CDH4: variants seen among roughly 807,000 people sequenced by gnomAD.
CDH4 encodes cadherin 4.
A neutral mutation model predicts 86.0 loss-of-function variants in CDH4; 33 were observed. That is an observed-to-expected ratio of 0.38 (90% CI 0.29 to 0.51). The LOEUF is 0.51. Ranked by LOEUF, CDH4 falls within the 20% of genes least tolerant of loss-of-function variation. The pLI, the probability that CDH4 is intolerant of heterozygous loss-of-function variation, is 0.86. For missense variants in CDH4, 1,114 were observed against 1,307.4 expected (o/e 0.85, Z 2.28); for synonymous variants, 555 against 549.4 (o/e 1.01, Z -0.14).
At position 61,703,227 on chromosome 20, in the gene CDH4, T is replaced by G. The variant is rs2087794754; in HGVS notation, c.170-40336T>G. On this transcript the variant is annotated intron_variant, in intron 2 of 15. Transcript: ENST00000614565. This position sits in a 1 kb window ranked among gnomAD's most constrained non-coding sequence, Gnocchi z 4.3. ...GGGTTGTTTGTCTTTTCCTGACTTCTATGTGCAGTGGATTTCCTGCTTTGT... is the reference window on the plus strand; with the variant it reads ...GGGTTGTTTGTCTTTTCCTGACTTCGATGTGCAGTGGATTTCCTGCTTTGT... Among the ~76,000 whole-genome samples, 1 of 152,172 alleles carries G rather than the reference T, an allele frequency of 6.6e-6. No homozygotes were observed. Among genetic ancestry groups the G allele is most frequent in the Non-Finnish European group, 1.5e-5 (1 of 68,040 alleles).
chr20:61,511,283 A>G, intron 2 of CDH4, among the ~76,000 whole-genome samples: 1 of 152,190 alleles, frequency 6.6e-6, no homozygotes, highest in Non-Finnish European at 1.5e-5. Context: ...ACCACCAGAA[A>G]TCCACATTTA....
intron 2 of CDH4, among the ~76,000 whole-genome samples, chr20:61,644,898 G>A (rs2087046311): frequency 6.6e-6 from 1 of 152,194 alleles, no homozygotes; most frequent in Admixed American, 6.5e-5. Context: ...AAGCATTTAG[G>A]GAGGAGTCGC....
At chr20:61,715,608 C>T (rs1170220466) in intron 2 of CDH4, among the ~76,000 whole-genome samples, 3 of 152,218 alleles carry the variant, frequency 2.0e-5, no homozygotes, top group Non-Finnish European at 4.4e-5. Context: ...AAGTTTCCAA[C>T]TCAAACACAT....
chr20:61,661,950 C>T (rs2087262201), intron 2 of CDH4, among the ~76,000 whole-genome samples: 1 of 152,158 alleles, frequency 6.6e-6, no homozygotes, highest in African/African-American at 2.4e-5. Flanking sequence ...CACAGGGCCT[C>T]CCTTTGCAAC....
rs746724052 is a variant in CDH4, at chr20:61,480,987, C to A, written c.169+226050C>A. ...ATTCTGCTTGGTAGTCAGATGACATCCATGAGAGGCGTTCTCAGTCAGCTT... is the reference window on the plus strand; with the variant it reads ...ATTCTGCTTGGTAGTCAGATGACATACATGAGAGGCGTTCTCAGTCAGCTT... On this transcript the variant is annotated intron_variant, in intron 2 of 15. Transcript: ENST00000614565. This position sits in a 1 kb window ranked among gnomAD's most constrained non-coding sequence, Gnocchi z 5.2. Among the ~76,000 whole-genome samples, 24 of 152,130 alleles carry A rather than the reference C, an allele frequency of 1.6e-4. No individual in the cohort carries two copies. The highest frequency in any genetic ancestry group is 5.2e-4 in the Admixed American group (8 of 15,280).
intron 2 of CDH4, among the ~76,000 whole-genome samples, chr20:61,625,116 T>C (rs1004831959): frequency 6.6e-6 from 1 of 152,054 alleles, no homozygotes; most frequent in African/African-American, 2.4e-5. Flanking sequence ...AAGTGTCTAA[T>C]AGGACGTGTA....
chr20:61,434,706 C>T (rs6089613), intron 2 of CDH4: 11,198 of 152,142 alleles, frequency 0.074, 678 homozygotes, highest in African/African-American at 0.16. Context: ...CCACCTCCTC[C>T]GCTGTCACAC....
rs572309407 is a variant in CDH4, at chr20:61,803,591, C to T, written c.576+30409C>T. Among the ~76,000 whole-genome samples the T allele has an allele frequency of 2.7e-4, 41 of 152,302 alleles. No homozygotes were observed. The South Asian group carries it at 7.7e-3, about 28-fold the overall frequency. Reference sequence around the variant, plus strand: ...ATCAGTTCTGCTACCGCGGGCGAGCCGCAGGCCTGGTGGCCTGGAGGGTGG... The same window carrying T: ...ATCAGTTCTGCTACCGCGGGCGAGCTGCAGGCCTGGTGGCCTGGAGGGTGG... On this transcript the variant is annotated intron_variant, in intron 4 of 15. Coordinates refer to ENST00000614565, the MANE Select transcript of CDH4 (RefSeq NM_001794.5).
chr20:61,705,018 G>A (rs1369906976), intron 2 of CDH4, among the ~76,000 whole-genome samples: 1 of 152,186 alleles, frequency 6.6e-6, no homozygotes, highest in African/African-American at 2.4e-5. Flanking sequence ...CCAGGAACGC[G>A]TTGGGGCTCA....
At chr20:61,556,474 C>T (rs1258294383) in intron 2 of CDH4, among the ~76,000 whole-genome samples, 1 of 152,124 alleles carries the variant, frequency 6.6e-6, no homozygotes, top group South Asian at 2.1e-4. Context: ...TGTTAAACAG[C>T]AGAAGGATCT....
chr20:61,853,990 T>A (rs953357400), intron 6 of CDH4, among the ~76,000 whole-genome samples: 1 of 152,186 alleles, frequency 6.6e-6, no homozygotes, highest in Non-Finnish European at 1.5e-5. Context: ...AAGTGTGGCC[T>A]AAGCACCATT....
chr20:61,924,292 C>T (rs547521540), intron 10 of CDH4, 42 bp from the exon 11 acceptor site: 3 of 1,532,564 alleles, frequency 2.0e-6, no homozygotes, highest in Admixed American at 3.5e-5. Flanking sequence ...CAGCCCCGCC[C>T]ACCCCCAGCC....
chr20:61,799,138 C>T (rs1057504769), intron 4 of CDH4, among the ~76,000 whole-genome samples: 12 of 152,276 alleles, frequency 7.9e-5, no homozygotes, highest in South Asian at 2.1e-4. Context: ...GTAATTAGCC[C>T]TTATAAATGT....
chr20:61,283,753 G>A (rs1030294779), intron 2 of CDH4, among the ~76,000 whole-genome samples: 7 of 152,244 alleles, frequency 4.6e-5, no homozygotes, highest in African/African-American at 1.7e-4. Context: ...TGGGTCATTA[G>A]AAGCAGGATT....
At chr20:61,411,887 T>A (rs2085121659) in intron 2 of CDH4, among the ~76,000 whole-genome samples, 1 of 152,156 alleles carries the variant, frequency 6.6e-6, no homozygotes, top group South Asian at 2.1e-4. Flanking sequence ...CTGTATCCAC[T>A]CCTTAGCATG....
intron 4 of CDH4, among the ~76,000 whole-genome samples, chr20:61,799,486 C>A (rs1167749298): frequency 6.6e-6 from 1 of 152,230 alleles, no homozygotes; most frequent in African/African-American, 2.4e-5. Context: ...CCATTGGCAC[C>A]TGTGCCCAGA....
At chr20:61,577,445 G>A (rs2086390781) in intron 2 of CDH4, among the ~76,000 whole-genome samples, 1 of 152,248 alleles carries the variant, frequency 6.6e-6, no homozygotes, top group South Asian at 2.1e-4. Flanking sequence ...TGTTTCGCAT[G>A]TTGAAAGATG....
chr20:61,512,579 T>G (rs1165980330), intron 2 of CDH4, among the ~76,000 whole-genome samples: 2 of 152,120 alleles, frequency 1.3e-5, no homozygotes, highest in Non-Finnish European at 2.9e-5. Flanking sequence ...GGGAGGGAGA[T>G]GAATGGGGCG....
At position 61,371,104 on chromosome 20, in the gene CDH4, G is replaced by A. The variant is rs186999503; in HGVS notation, c.169+116167G>A. On this transcript the variant is annotated intron_variant, in intron 2 of 15. Coordinates refer to ENST00000614565, the MANE Select transcript of CDH4 (RefSeq NM_001794.5). ...TGAATGGATTCGTTCTGTTTGGAGC[G>A]AGCAGGCTGGGCACTGGAGCGTGTA... Among the ~76,000 whole-genome samples the A allele has an allele frequency of 1.8e-4, 27 of 152,328 alleles. 1 individual carries two copies. Among genetic ancestry groups the A allele is most frequent in the Middle Eastern group, 6.8e-3 (2 of 294 alleles).
Sources: allele counts gnomAD v4.1 joint callset (sites outside exome capture counted in the v4.1 genomes callset), GRCh38; gene constraint gnomAD v4.1.1; non-coding constraint Gnocchi (gnomAD v3.1); transcripts MANE v1.5; gene names NCBI Gene and HGNC (gene_info 2026-07-23, HGNC 2026-07-21).